MGAT4A: variants seen among roughly 807,000 people sequenced by gnomAD.
MGAT4A encodes the protein alpha-1,3-mannosyl-glycoprotein 4-beta-N-acetylglucosaminyltransferase A.
MGAT4A carries 33 observed loss-of-function variants against 74.1 expected under a neutral mutation model. The ratio of observed to expected loss-of-function variants is 0.45; its 90% CI spans 0.34 to 0.60. The LOEUF (loss-of-function observed/expected upper bound fraction) is 0.60, where lower values mean the gene tolerates loss of function less well. Ranked by LOEUF, MGAT4A falls within the 20% of genes least tolerant of loss-of-function variation. The probability of loss-of-function intolerance (pLI) is 0.02; values close to 1 mark genes in which losing one functional copy is unlikely to be tolerated. For synonymous variants in MGAT4A, 198 were observed against 210.4 expected (o/e 0.94, Z 0.51); for missense variants, 479 against 628.3 (o/e 0.76, Z 2.54).
intron 8 of MGAT4A, among the ~76,000 whole-genome samples, chr2:98,646,263 A>C (rs1701483903): frequency 6.6e-6 from 1 of 152,130 alleles, no homozygotes; most frequent in Admixed American, 6.5e-5. Context: ...TAGAAGCAAA[A>C]ACAAGACAAT....
Position 98,622,486 on chromosome 2 carries a change from G to GT in MGAT4A, c.*3079dup. 4 of 985,424 alleles carry GT rather than the reference G, an allele frequency of 4.1e-6. No individual in the cohort carries two copies. The highest frequency in any genetic ancestry group is 4.8e-6 in the Non-Finnish European group (4 of 829,932). 61.0% of individuals were successfully genotyped at this position (985,424 alleles called of 1,614,324 possible). ...GACACTTTTTCCATTTACTATTTTG[G>GT]TAAAATGATTCGGCGCCCTCTCAAG... On this transcript the variant is annotated 3_prime_UTR_variant, in exon 16 of 16. Transcript: ENST00000393487.
chr2:98,658,703 A>G (rs530375619), intron 5 of MGAT4A, among the ~76,000 whole-genome samples: 1 of 152,356 alleles, frequency 6.6e-6, no homozygotes, highest in African/African-American at 2.4e-5. Context: ...TCTATGAAAA[A>G]AAGGAAATAC....
chr2:98,625,913 G>T, intron 14 of MGAT4A, 78 bp from the exon 15 acceptor site: 1 of 968,544 alleles, frequency 1.0e-6, no homozygotes, highest in East Asian at 2.5e-5. Context: ...AGGCAGGAAA[G>T]GAATACACCA....
At chr2:98,629,943 G>C (rs751917745) in intron 14 of MGAT4A, among the ~76,000 whole-genome samples, 1 of 152,174 alleles carries the variant, frequency 6.6e-6, no homozygotes, top group Non-Finnish European at 1.5e-5. Context: ...TAATTGGGAG[G>C]CTGAGGCAGA....
At chr2:98,628,116 T>C (rs1701173977) in intron 14 of MGAT4A, among the ~76,000 whole-genome samples, 1 of 152,244 alleles carries the variant, frequency 6.6e-6, no homozygotes, top group Non-Finnish European at 1.5e-5. Flanking sequence ...CAGGTTGTAC[T>C]GAATTTGTGT....
intron 13 of MGAT4A, 132 bp from the exon 14 acceptor site, chr2:98,635,420 C>T (rs1274670735): frequency 4.9e-6 from 3 of 617,162 alleles, no homozygotes; most frequent in African/African-American, 1.8e-5. Flanking sequence ...TCATCTCAGT[C>T]TTGAACTTTA....
At chr2:98,722,195 A>T (rs1702682522) in intron 2 of MGAT4A, among the ~76,000 whole-genome samples, 2 of 152,270 alleles carry the variant, frequency 1.3e-5, no homozygotes, top group Admixed American at 6.5e-5. Flanking sequence ...AGAAACATGT[A>T]CCTGAATGTT....
chr2:98,706,818 C>G (rs980446269), intron 2 of MGAT4A, among the ~76,000 whole-genome samples: 1 of 150,798 alleles, frequency 6.6e-6, no homozygotes, highest in African/African-American at 2.4e-5. Context: ...CTGCCTCAGT[C>G]TAGGCAGGGC....
intron 2 of MGAT4A, among the ~76,000 whole-genome samples, chr2:98,715,846 A>T (rs1047200987): frequency 3.3e-5 from 5 of 152,220 alleles, no homozygotes; most frequent in African/African-American, 1.2e-4. Flanking sequence ...GTTTGTAGGT[A>T]AAAGTATGAT....
At chr2:98,659,595 G>A (rs1032757132) in intron 5 of MGAT4A, among the ~76,000 whole-genome samples, 2 of 152,304 alleles carry the variant, frequency 1.3e-5, no homozygotes, top group East Asian at 3.9e-4. Flanking sequence ...AATCATGGGG[G>A]CAGTTTCCCC....
At chr2:98,705,509 C>T (rs1702412618) in intron 2 of MGAT4A, among the ~76,000 whole-genome samples, 1 of 152,194 alleles carries the variant, frequency 6.6e-6, no homozygotes, top group African/African-American at 2.4e-5. Flanking sequence ...AACAGTACTC[C>T]CTTTACTCTC....
intron 2 of MGAT4A, among the ~76,000 whole-genome samples, chr2:98,702,569 C>T (rs919639365): frequency 1.3e-5 from 2 of 152,214 alleles, no homozygotes; most frequent in African/African-American, 4.8e-5. Flanking sequence ...TGCACACACA[C>T]AGAGGAGCTG....
chr2:98,715,835 C>T (rs771841444), intron 2 of MGAT4A, among the ~76,000 whole-genome samples: 12 of 152,136 alleles, frequency 7.9e-5, no homozygotes, highest in African/African-American at 1.2e-4. Flanking sequence ...AGGATGTTAA[C>T]GTTTGTAGGT....
At chr2:98,696,636 T>A (rs1702279041) in intron 2 of MGAT4A, among the ~76,000 whole-genome samples, 1 of 152,256 alleles carries the variant, frequency 6.6e-6, no homozygotes, top group Non-Finnish European at 1.5e-5. Context: ...TCCTTTTCCA[T>A]GCAGATTTGT....
intron 5 of MGAT4A, among the ~76,000 whole-genome samples, chr2:98,661,477 T>C (rs1287292134): frequency 5.3e-5 from 8 of 152,154 alleles, no homozygotes; most frequent in African/African-American, 1.9e-4. Context: ...TATATATAAC[T>C]GAATATTGTG....
Position 98,621,597 on chromosome 2 carries a change from C to T in MGAT4A, c.*3969G>A, listed in dbSNP as rs1701061411. 2.1e-5 allele frequency: 32 copies of T among 1,524,158 alleles called. No individual in the cohort carries two copies. Among genetic ancestry groups the T allele is most frequent in the South Asian group, 1.9e-4 (15 of 79,988 alleles). 94.4% of individuals were successfully genotyped at this position (1,524,158 alleles called of 1,614,324 possible). On this transcript the variant is annotated 3_prime_UTR_variant, in exon 16 of 16. Coordinates refer to ENST00000393487, the MANE Select transcript of MGAT4A (RefSeq NM_012214.3). ...ATATAATCATGGATCAAACAGGTTC[C>T]ACCCATGCTCAAAGTGGGAGGATAT...
At chr2:98,663,275 AG>A in intron 4 of MGAT4A, 96 bp from the exon 5 acceptor site, 1 of 1,529,394 alleles carries the variant, frequency 6.5e-7, no homozygotes, top group South Asian at 1.2e-5. Flanking sequence ...TCAAATTGAT[AG>A]GAATAACTGA....
chr2:98,723,576 T>C (rs1702716132), intron 2 of MGAT4A, among the ~76,000 whole-genome samples: 1 of 152,178 alleles, frequency 6.6e-6, no homozygotes, highest in African/African-American at 2.4e-5. Context: ...TACAAGAACC[T>C]TGCAGTACTG....
At position 98,636,391 on chromosome 2, in the gene MGAT4A, ATAT is replaced by A. The variant is rs1701322055; in HGVS notation, c.1401+123_1401+125del. ...GTGCTTCATATTTCAAAAAAAATTA[ATAT>A]TATTCACCATTGAGTCCTGCAAATC... On this transcript the variant is annotated intron_variant, in intron 13 of 15. Coordinates refer to ENST00000393487, the MANE Select transcript of MGAT4A (RefSeq NM_012214.3). The A allele has an allele frequency of 3.1e-5, 21 of 687,400 alleles. No homozygotes were observed. The South Asian group carries it at 3.9e-4, about 13-fold the overall frequency. The allele number at this position is 687,400 out of a possible 1,614,324, so 42.6% of individuals were successfully genotyped here.
Sources: allele counts gnomAD v4.1 joint callset (sites outside exome capture counted in the v4.1 genomes callset), GRCh38; gene constraint gnomAD v4.1.1; transcripts MANE v1.5; gene names NCBI Gene and HGNC (gene_info 2026-07-23, HGNC 2026-07-21).